NFAT5: variants seen among roughly 807,000 people sequenced by gnomAD.
The protein encoded by NFAT5 is nuclear factor of activated T-cells 5.
A neutral mutation model predicts 166.5 loss-of-function variants in NFAT5; 31 were observed. That is an observed-to-expected ratio of 0.19 (90% CI 0.14 to 0.25). The LOEUF (loss-of-function observed/expected upper bound fraction) is 0.25. Among genes scored for constraint, NFAT5 ranks in the 10% least tolerant of loss-of-function variants. NFAT5 has a pLI of 1.00. For missense variants in NFAT5, 1,449 were observed against 1,821.8 expected (o/e 0.80, Z 3.72); for synonymous variants, 612 against 639.7 (o/e 0.96, Z 0.65).
chr16:69,602,412 A>T (rs2033177731), intron 2 of NFAT5, among the ~76,000 whole-genome samples: 1 of 151,586 alleles, frequency 6.6e-6, no homozygotes, highest in South Asian at 2.1e-4. Flanking sequence ...GATTACAGGC[A>T]TGTGCCACCA....
At chr16:69,577,556 G>A (rs908824952) in intron 2 of NFAT5, among the ~76,000 whole-genome samples, 1 of 152,134 alleles carries the variant, frequency 6.6e-6, no homozygotes, top group Admixed American at 6.6e-5. Flanking sequence ...AGTACGCACT[G>A]TATAGACCCA....
At chr16:69,577,282 G>C (rs2016815579) in intron 2 of NFAT5, among the ~76,000 whole-genome samples, 2 of 152,060 alleles carry the variant, frequency 1.3e-5, no homozygotes, top group Non-Finnish European at 2.9e-5. Context: ...TCCCCCTGTG[G>C]TTTAGTCTCT....
At chr16:69,666,565 G>A (rs190944033) in intron 7 of NFAT5, among the ~76,000 whole-genome samples, 55 of 152,244 alleles carry the variant, frequency 3.6e-4, no homozygotes, top group African/African-American at 1.2e-3. Flanking sequence ...AAAAACACAT[G>A]AAAAAATGCT....
intron 2 of NFAT5, among the ~76,000 whole-genome samples, chr16:69,587,091 CT>C (rs1201401062): frequency 6.6e-6 from 1 of 150,632 alleles, no homozygotes; most frequent in Non-Finnish European, 1.5e-5. Context: ...GCTTTTTTTT[CT>C]TTTTTTTTGA....
chr16:69,700,475 G>A lies in NFAT5; in HGVS notation c.*4124G>A, dbSNP rs1368500309. ...TTTTAGGAAAGTGAATCTGTTAGAT[G>A]CATCAACAAATAATGACCAGGACAA... On this transcript the variant is annotated 3_prime_UTR_variant, in exon 15 of 15. Coordinates refer to ENST00000349945, the MANE Select transcript of NFAT5 (RefSeq NM_138713.4). 6.6e-6 allele frequency: 1 copy of A among 152,162 alleles called. No individual in the cohort carries two copies. The highest frequency in any genetic ancestry group is 6.5e-5 in the Admixed American group (1 of 15,278). 9.4% of individuals were successfully genotyped at this position (152,162 alleles called of 1,614,324 possible). A position where few individuals can be genotyped will look rare whatever the true frequency, so the allele number is the denominator to read the frequency against.
At chr16:69,665,004 G>A (rs1025222139) in intron 7 of NFAT5, among the ~76,000 whole-genome samples, 28 of 152,148 alleles carry the variant, frequency 1.8e-4, no homozygotes, top group Admixed American at 1.8e-3. Context: ...TCCAGCCTGG[G>A]CAACAAGAAC....
At chr16:69,654,446 A>G (rs200707382) in intron 5 of NFAT5, among the ~76,000 whole-genome samples, 1 of 152,194 alleles carries the variant, frequency 6.6e-6, no homozygotes, top group African/African-American at 2.4e-5. Context: ...TCTTCACTAC[A>G]TACTACCTTA....
chr16:69,592,962 CTG>C (rs1342006063), intron 2 of NFAT5, among the ~76,000 whole-genome samples: 3 of 152,218 alleles, frequency 2.0e-5, no homozygotes, highest in Non-Finnish European at 4.4e-5. Flanking sequence ...CTTTTTAAAA[CTG>C]GAACTATTGG....
intron 4 of NFAT5, chr16:69,649,450 G>T: frequency 1.0e-6 from 1 of 984,564 alleles, no homozygotes; most frequent in Non-Finnish European, 1.2e-6. Context: ...CTATATCTTA[G>T]AAATGATTTG....
At chr16:69,646,362 T>G (rs1473370452) in intron 3 of NFAT5, among the ~76,000 whole-genome samples, 1 of 152,222 alleles carries the variant, frequency 6.6e-6, no homozygotes, top group Non-Finnish European at 1.5e-5. Flanking sequence ...TTGATTCTCC[T>G]AGATTTTACA....
Position 69,690,955 on chromosome 16 carries a change from G to A in NFAT5, c.1790G>A (p.Gly597Glu), listed in dbSNP as rs991791605. ...EEAMKAMKTT[G>E]CNLDKVNIIP... ...GTATATGCAGCAATGAAAACTACTG[G>A]ATGTAATTTAGATAAGGTAAATATT... Residue 597 changes from glycine (G) to glutamate (E), a missense_variant, in exon 12 of 15, where the codon GGA becomes GAA. This residue lies in a region of NFAT5 where 245 missense variants were observed against 366.6 expected (regional missense o/e 0.67). Coordinates refer to ENST00000349945, the MANE Select transcript of NFAT5 (RefSeq NM_138713.4). The A allele has an allele frequency of 6.4e-7, 1 of 1,568,168 alleles. No homozygotes were observed. Among genetic ancestry groups the A allele is most frequent in the Admixed American group, 1.9e-5 (1 of 52,424 alleles).
At chr16:69,620,029 G>A (rs1426431429) in intron 2 of NFAT5, among the ~76,000 whole-genome samples, 1 of 152,184 alleles carries the variant, frequency 6.6e-6, no homozygotes, top group Non-Finnish European at 1.5e-5. Flanking sequence ...ATCTATTATA[G>A]TTTACAGAAT....
At chr16:69,584,320 CT>C (rs544753398) in intron 2 of NFAT5, among the ~76,000 whole-genome samples, 378 of 139,550 alleles carry the variant, frequency 2.7e-3, no homozygotes, top group African/African-American at 4.8e-3. Flanking sequence ...TTCTGTGTCT[CT>C]TTTTTTTTTT....
chr16:69,655,178 A>G (rs2035828328), intron 5 of NFAT5, among the ~76,000 whole-genome samples: 2 of 152,176 alleles, frequency 1.3e-5, no homozygotes, highest in South Asian at 4.1e-4. Context: ...ATACTTTTCT[A>G]TTCAAGTAGC....
chr16:69,687,513 G>A (rs1425396291), intron 11 of NFAT5, among the ~76,000 whole-genome samples: 4 of 150,704 alleles, frequency 2.7e-5, no homozygotes, highest in African/African-American at 2.4e-5. Context: ...GCCGTAGAAG[G>A]ACTTGTGTCT....
chr16:69,577,645 G>A (rs925756824), intron 2 of NFAT5, among the ~76,000 whole-genome samples: 5 of 152,046 alleles, frequency 3.3e-5, no homozygotes, highest in African/African-American at 4.8e-5. Flanking sequence ...GAGTGGGCAG[G>A]ATTAACTACA....
At position 69,699,168 on chromosome 16, in the gene NFAT5, C is replaced by G. The variant is rs1395666167; in HGVS notation, c.*2817C>G. On this transcript the variant is annotated 3_prime_UTR_variant, in exon 15 of 15. Coordinates refer to ENST00000349945, the MANE Select transcript of NFAT5 (RefSeq NM_138713.4). ...TACATAGGAGACTAAAGAAATCTATCTGTTCAAGTTCTAATTAGGATGATT... is the reference window on the plus strand; with the variant it reads ...TACATAGGAGACTAAAGAAATCTATGTGTTCAAGTTCTAATTAGGATGATT... The G allele has an allele frequency of 3.9e-5, 6 of 153,076 alleles. No individual in the cohort carries two copies. In the South Asian group the frequency reaches 1.2e-3, roughly 32 times the overall value. 9.5% of individuals were successfully genotyped at this position (153,076 alleles called of 1,614,324 possible). A position where few individuals can be genotyped will look rare whatever the true frequency, so the allele number is the denominator to read the frequency against.
At chr16:69,620,792 A>T (rs1180593300) in intron 2 of NFAT5, among the ~76,000 whole-genome samples, 1 of 152,192 alleles carries the variant, frequency 6.6e-6, no homozygotes, top group African/African-American at 2.4e-5. Context: ...GTTAAGTTTC[A>T]TCTCCTTCCT....
chr16:69,670,588 T>C (rs1470535220), intron 9 of NFAT5, among the ~76,000 whole-genome samples: 1 of 152,210 alleles, frequency 6.6e-6, no homozygotes, highest in Non-Finnish European at 1.5e-5. Flanking sequence ...TAATCCACTA[T>C]ATAGTTAAAT....
Sources: allele counts gnomAD v4.1 joint callset (sites outside exome capture counted in the v4.1 genomes callset), GRCh38; gene constraint gnomAD v4.1.1; regional missense constraint gnomAD v4.1.1; transcripts MANE v1.5; gene names NCBI Gene and HGNC (gene_info 2026-07-23, HGNC 2026-07-21).